The following COL21A1 variants were observed in gnomAD, a reference collection of about 807,000 sequenced individuals.
The protein encoded by COL21A1 is collagen type XXI alpha 1 chain.
COL21A1 carries 149 observed loss-of-function variants against 137.9 expected under a neutral mutation model. The ratio of observed to expected loss-of-function variants is 1.08; its 90% confidence interval spans 0.95 to 1.24. COL21A1 has a LOEUF of 1.24. COL21A1 is among the 50% of genes most tolerant of loss of function. COL21A1 has a pLI of 0.00. For synonymous variants in COL21A1, 456 were observed against 391.5 expected (o/e 1.16, Z -1.95); for missense variants, 1,167 against 1,158.4 (o/e 1.01, Z -0.11).
intron 19 of COL21A1, among the ~76,000 whole-genome samples, chr6:56,074,537 AAT>A (rs1300519173): frequency 6.6e-6 from 1 of 151,446 alleles, no homozygotes; most frequent in Non-Finnish European, 1.5e-5. Flanking sequence ...AAAAACTACA[AAT>A]AGAGAAAATG....
chr6:56,121,192 G>T (rs1194048067), intron 16 of COL21A1, among the ~76,000 whole-genome samples: 6 of 152,094 alleles, frequency 3.9e-5, no homozygotes, highest in Non-Finnish European at 7.4e-5. Flanking sequence ...AGGGTAGAAG[G>T]ATGGTTACAG....
intron 12 of COL21A1, among the ~76,000 whole-genome samples, chr6:56,135,446 T>C (rs1037162699): frequency 3.4e-5 from 5 of 148,170 alleles, no homozygotes; most frequent in Admixed American, 6.7e-5. Context: ...AAATTAGAAT[T>C]AAAAAAAAAA....
At chr6:56,267,670 T>A (rs957992751) in intron 1 of COL21A1, among the ~76,000 whole-genome samples, 9 of 148,678 alleles carry the variant, frequency 6.1e-5, no homozygotes, top group African/African-American at 2.2e-4. Flanking sequence ...GCAGGGAGAA[T>A]CGCTTGAACC....
chr6:56,376,053 A>G (rs2093998621), intron 1 of COL21A1, among the ~76,000 whole-genome samples: 3 of 152,220 alleles, frequency 2.0e-5, no homozygotes, highest in African/African-American at 7.2e-5. Flanking sequence ...CAGAACATAG[A>G]TGTTTAATGG....
intron 1 of COL21A1, among the ~76,000 whole-genome samples, chr6:56,287,400 T>C (rs1361126223): frequency 1.3e-5 from 2 of 152,144 alleles, no homozygotes; most frequent in Non-Finnish European, 2.9e-5. Flanking sequence ...TAATCCTTAG[T>C]GTTGGAGGAG....
At chr6:56,293,834 T>C (rs1764108157) in intron 1 of COL21A1, among the ~76,000 whole-genome samples, 1 of 152,182 alleles carries the variant, frequency 6.6e-6, no homozygotes, top group Non-Finnish European at 1.5e-5. Flanking sequence ...TTCCAAACAG[T>C]TGGCTAATTA....
chr6:56,361,183 T>C (rs1335192681), intron 1 of COL21A1, among the ~76,000 whole-genome samples: 1 of 152,128 alleles, frequency 6.6e-6, no homozygotes, highest in Non-Finnish European at 1.5e-5. Flanking sequence ...TGTTCTGTGG[T>C]TGGGAGAGGT....
intron 1 of COL21A1, among the ~76,000 whole-genome samples, chr6:56,318,827 T>G (rs1764802647): frequency 6.6e-6 from 1 of 152,148 alleles, no homozygotes; most frequent in Admixed American, 6.6e-5. Flanking sequence ...GCTCACTAGC[T>G]GCTAATCTAT....
chr6:56,310,094 G>A (rs1764572935), intron 1 of COL21A1, among the ~76,000 whole-genome samples: 1 of 152,148 alleles, frequency 6.6e-6, no homozygotes, highest in South Asian at 2.1e-4. Context: ...CAAAATCCAG[G>A]ATCAGTTAGT....
rs185424127 is a variant in COL21A1, at chr6:56,343,178, G to C, written c.-39+50793C>G. 8.6e-3 allele frequency among the ~76,000 whole-genome samples: 1,302 copies of C among 151,926 alleles called. 21 individuals carry two copies. Among genetic ancestry groups the C allele is most frequent in the African/African-American group, 0.029 (1,187 of 41,398 alleles). On this transcript the variant is annotated intron_variant, in intron 1 of 28. Transcript: ENST00000370819. ...TTTCCTTTAAAAGTAATCACCATAG[G>C]GACCACCCAGAGAGACATGTGGGCC...
At chr6:56,068,921 T>C in intron 22 of COL21A1, 125 bp downstream of exon 22, 1 of 668,202 alleles carries the variant, frequency 1.5e-6, no homozygotes, top group Non-Finnish European at 2.6e-6. Flanking sequence ...ATACATCGAA[T>C]ATATAGGGTA....
At chr6:56,259,473 G>A (rs937945555) in intron 1 of COL21A1, among the ~76,000 whole-genome samples, 3 of 152,120 alleles carry the variant, frequency 2.0e-5, no homozygotes, top group Non-Finnish European at 4.4e-5. Flanking sequence ...GCTTCCCTTG[G>A]CTGCTTCCAA....
chr6:56,324,671 C>T (rs777164066), intron 1 of COL21A1, among the ~76,000 whole-genome samples: 1 of 151,930 alleles, frequency 6.6e-6, no homozygotes, highest in Non-Finnish European at 1.5e-5. Context: ...CAGCCACGGA[C>T]CCCCAAGTAT....
chr6:56,057,893 T>C (rs1765468594), intron 29 of COL21A1, 49 bp from the exon 30 acceptor site: 1 of 1,297,714 alleles, frequency 7.7e-7, no homozygotes, highest in African/African-American at 1.6e-5. Flanking sequence ...TAGTTTTTTA[T>C]AATGAAATAG....
chr6:56,112,385 A>T (rs1198374359), intron 16 of COL21A1, among the ~76,000 whole-genome samples: 1 of 152,168 alleles, frequency 6.6e-6, no homozygotes, highest in African/African-American at 2.4e-5. Context: ...ATCTACAAAG[A>T]AAAAACACTT....
At chr6:56,073,942 C>T (rs1208488964) in intron 20 of COL21A1, among the ~76,000 whole-genome samples, 2 of 151,062 alleles carry the variant, frequency 1.3e-5, no homozygotes, top group African/African-American at 4.9e-5. Flanking sequence ...GCACTGAGCT[C>T]TATAGAGCTC....
intron 1 of COL21A1, among the ~76,000 whole-genome samples, chr6:56,317,646 A>G (rs1444600590): frequency 6.6e-6 from 1 of 152,062 alleles, no homozygotes. Flanking sequence ...TGGTCACTAC[A>G]AATAACTGAA....
chr6:56,374,500 G>A (rs752115570), intron 1 of COL21A1, among the ~76,000 whole-genome samples: 2 of 152,046 alleles, frequency 1.3e-5, no homozygotes, highest in Admixed American at 6.6e-5. Flanking sequence ...CCAGGCTAGC[G>A]GATCACAAGG....
rs1276038576 is a variant in COL21A1, at chr6:56,305,920, T to G, written c.-39+88051A>C. ...GTGCTTCCTTCAGGAGCTCTTTTAG[T>G]GCAGGCCTGGTGGTGACAAAATCTC... On this transcript the variant is annotated intron_variant, in intron 1 of 28. Coordinates refer to the COL21A1 transcript ENST00000370819. 7.0e-3 allele frequency among the ~76,000 whole-genome samples: 1,055 copies of G among 151,706 alleles called. 3 individuals carry two copies. Among genetic ancestry groups the G allele is most frequent in the Admixed American group, 0.011 (167 of 15,154 alleles).
Sources: allele counts gnomAD v4.1 joint callset (sites outside exome capture counted in the v4.1 genomes callset), GRCh38; gene constraint gnomAD v4.1.1; transcripts MANE v1.5; gene names NCBI Gene and HGNC (gene_info 2026-07-23, HGNC 2026-07-21).